The following ADCY3 variants were observed in gnomAD, a reference collection of about 807,000 sequenced individuals.
The protein encoded by ADCY3 is adenylate cyclase type 3.
ADCY3 carries 70 observed loss-of-function variants against 119.4 expected under a neutral mutation model. The ratio of observed to expected loss-of-function variants is 0.59; its 90% CI spans 0.48 to 0.72. The LOEUF (loss-of-function observed/expected upper bound fraction) is 0.72. Ranked by LOEUF, ADCY3 falls within the 30% of genes least tolerant of loss-of-function variation. ADCY3 has a pLI of 0.00. For missense variants in ADCY3, 1,238 were observed against 1,541.6 expected (o/e 0.80, Z 3.30); for synonymous variants, 672 against 621.4 (o/e 1.08, Z -1.21).
chr2:24,866,167 G>T (rs1288818640), intron 3 of ADCY3, among the ~76,000 whole-genome samples: 1 of 152,142 alleles, frequency 6.6e-6, no homozygotes, highest in Non-Finnish European at 1.5e-5. Flanking sequence ...CATGAGAAAA[G>T]CACCAGCCTT....
chr2:24,918,767 C>A lies in ADCY3; in HGVS notation c.221G>T (p.Arg74Leu). The A allele has an allele frequency of 1.2e-6, 2 of 1,614,050 alleles. No homozygotes were observed. Among genetic ancestry groups the A allele is most frequent in the Non-Finnish European group, 1.7e-6 (2 of 1,180,028 alleles). Residue 74 changes from arginine to leucine, a missense_variant, in exon 2 of 22, where the codon CGC (arginine) becomes CTC (leucine). By Grantham distance (102) the Arg-to-Leu change is moderately radical. Coordinates refer to ENST00000679454, the MANE Select transcript of ADCY3 (RefSeq NM_004036.5). This position sits in a 1 kb window ranked among gnomAD's most constrained non-coding sequence, Gnocchi z 5.4. ...CACCAGCACCAGCAGGGTCTCGTGG[C>A]GCTGCCTTTTGAAGTAGGTCTGGTA... Reference protein sequence around the residue: ...NLYQTYFKRQRHETLLVLVVF... With the variant: ...NLYQTYFKRQLHETLLVLVVF...
chr2:24,834,957 G>A lies in ADCY3; in HGVS notation c.1663-21C>T, dbSNP rs756283943. On this transcript the variant is annotated intron_variant, in intron 9 of 21. Transcript: ENST00000679454. The surrounding 1 kb of genome is among the most constrained non-coding windows in gnomAD (Gnocchi z 4.2). ...TCGGCCTGTGAGCCAGGGAGGCAGC[G>A]TGAGTGGGGCAGATGGGACAGAGTG... 4.8e-5 allele frequency: 77 copies of A among 1,610,670 alleles called. No homozygotes were observed. The highest frequency in any genetic ancestry group is 1.0e-4 in the Admixed American group (6 of 59,884).
chr2:24,830,659 T>A (rs997735385), intron 13 of ADCY3, 50 bp downstream of exon 13: 1 of 1,452,028 alleles, frequency 6.9e-7, no homozygotes, highest in Non-Finnish European at 9.6e-7. Flanking sequence ...CAGAAGCCCT[T>A]CTCCACTGAG....
chr2:24,885,758 T>G (rs949039125), intron 2 of ADCY3, among the ~76,000 whole-genome samples: 20 of 152,192 alleles, frequency 1.3e-4, no homozygotes, highest in African/African-American at 4.8e-4. Context: ...AACACCTCAA[T>G]AGCTGCCAAT....
At position 24,819,679 on chromosome 2, in the gene ADCY3, G is replaced by T. The variant is rs1667242882; in HGVS notation, c.*253C>A. On this transcript the variant is annotated 3_prime_UTR_variant, in exon 22 of 22. Coordinates refer to ENST00000679454, the MANE Select transcript of ADCY3 (RefSeq NM_004036.5). ...GCCCCTCAGGGGCAAGGACGGCAGG[G>T]ATTGGAACGAGGGCTCTGGAAGGAC... is the stretch of plus-strand genomic sequence containing the variant. 2 of 409,056 alleles carry T rather than the reference G, an allele frequency of 4.9e-6. No homozygotes were observed. The highest frequency in any genetic ancestry group is 8.7e-6 in the Non-Finnish European group (2 of 229,470). The allele number at this position is 409,056 out of a possible 1,614,324, so 25.3% of individuals were successfully genotyped here.
chr2:24,828,973 G>C (rs1669023484), intron 13 of ADCY3, among the ~76,000 whole-genome samples: 1 of 152,090 alleles, frequency 6.6e-6, no homozygotes, highest in African/African-American at 2.4e-5. Context: ...GCCAAGGTAG[G>C]CTCTGGAGCC....
At chr2:24,863,748 A>T (rs1052511688) in intron 3 of ADCY3, among the ~76,000 whole-genome samples, 8 of 152,204 alleles carry the variant, frequency 5.3e-5, no homozygotes, top group African/African-American at 1.7e-4. Flanking sequence ...AGGCCAAGAA[A>T]GCAAAGGAAC....
At chr2:24,820,228 CGG>C in intron 21 of ADCY3, 114 bp from the exon 22 acceptor site, 1 of 1,201,076 alleles carries the variant, frequency 8.3e-7, no homozygotes, top group Non-Finnish European at 1.1e-6. Flanking sequence ...CCAAGCAGTA[CGG>C]GACACTCCCC....
chr2:24,836,901 T>C lies in ADCY3; in HGVS notation c.1662+16A>G. On this transcript the variant is annotated intron_variant, in intron 9 of 21. Transcript: ENST00000679454. ...TCTGGCCCTCAGTGACCCCCTGCCC[T>C]GAGCCCTGCACATACCTGGGCATCC... The C allele has an allele frequency of 6.2e-7, 1 of 1,601,770 alleles. No homozygotes were observed. The highest frequency in any genetic ancestry group is 1.1e-5 in the South Asian group (1 of 89,506).
At chr2:24,838,789 G>A in intron 7 of ADCY3, 167 bp from the exon 8 acceptor site, 1 of 1,594,796 alleles carries the variant, frequency 6.3e-7, no homozygotes, top group Non-Finnish European at 8.6e-7. Context: ...CTAGCTGTGT[G>A]GGCCGCTAAC....
At chr2:24,821,116 T>G in intron 20 of ADCY3, 1 of 475,128 alleles carries the variant, frequency 2.1e-6, no homozygotes. Context: ...GTATTTCAAG[T>G]CTCCTGGGAC....
chr2:24,831,873 C>T (rs1418643698), intron 11 of ADCY3, 124 bp from the exon 12 acceptor site: 4 of 310,694 alleles, frequency 1.3e-5, no homozygotes, highest in South Asian at 6.1e-5. Flanking sequence ...GGGCAGGGGA[C>T]AGTGGACAGG....
At chr2:24,858,446 C>T (rs1392287139) in intron 3 of ADCY3, among the ~76,000 whole-genome samples, 3 of 152,234 alleles carry the variant, frequency 2.0e-5, no homozygotes, top group Non-Finnish European at 4.4e-5. Context: ...CTGATTCTTC[C>T]TGTTAATTAA....
intron 19 of ADCY3, 200 bp downstream of exon 19, chr2:24,822,311 G>T: frequency 1.5e-6 from 1 of 675,112 alleles, no homozygotes; most frequent in Non-Finnish European, 2.4e-6. Context: ...AACAGCAGGG[G>T]GTTGTGTGTC....
chr2:24,821,707 CCCTGGCAGTG>C, intron 19 of ADCY3, 67 bp from the exon 20 acceptor site: 3 of 1,580,636 alleles, frequency 1.9e-6, no homozygotes, highest in Non-Finnish European at 1.7e-6. Flanking sequence ...CTGCTGCCTT[CCCTGGCAGTG>C]TTCTGGGGGT....
intron 3 of ADCY3, among the ~76,000 whole-genome samples, chr2:24,867,381 G>C (rs1160935302): frequency 6.6e-6 from 1 of 152,216 alleles, no homozygotes; most frequent in Non-Finnish European, 1.5e-5. Flanking sequence ...ATTAAGAGGT[G>C]GGGCCTTTAA....
chr2:24,837,410 C>T (rs1670447374), intron 8 of ADCY3, among the ~76,000 whole-genome samples: 1 of 152,136 alleles, frequency 6.6e-6, no homozygotes, highest in Non-Finnish European at 1.5e-5. Flanking sequence ...GGTGGAGATA[C>T]AAATTTGGGA....
intron 2 of ADCY3, among the ~76,000 whole-genome samples, chr2:24,884,150 C>T (rs1045843981): frequency 5.3e-5 from 8 of 151,994 alleles, no homozygotes; most frequent in African/African-American, 1.7e-4. Flanking sequence ...ACCCTTCTGG[C>T]GTTGTTCCTG....
intron 3 of ADCY3, among the ~76,000 whole-genome samples, chr2:24,868,791 C>A (rs1674619036): frequency 6.6e-6 from 1 of 151,718 alleles, no homozygotes; most frequent in Non-Finnish European, 1.5e-5. Flanking sequence ...CTGAGGCAGG[C>A]AGATCACAAG....
Sources: gnomAD v4.1 joint callset for allele counts (sites outside exome capture counted in the v4.1 genomes callset) on GRCh38, gnomAD v4.1.1 for gene constraint, Gnocchi (gnomAD v3.1) non-coding constraint, MANE v1.5 for transcripts, NCBI Gene and HGNC (gene_info 2026-07-23, HGNC 2026-07-21) for gene names.